COBLL1: variants seen among roughly 807,000 people sequenced by gnomAD.
COBLL1 encodes cordon-bleu WH2 repeat protein like 1, also known as cordon-bleu protein-like 1.
In COBLL1, 50 loss-of-function variants were observed where a neutral mutation model predicts 94.8. That is an observed-to-expected ratio of 0.53 (90% CI 0.42 to 0.67). The LOEUF (loss-of-function observed/expected upper bound fraction) is 0.67, where lower values mean the gene tolerates loss of function less well. Ranked by LOEUF, COBLL1 falls within the 30% of genes least tolerant of loss-of-function variation. COBLL1 has a pLI of 0.00. For synonymous variants in COBLL1, 448 were observed against 473.8 expected (o/e 0.95, Z 0.71); for missense variants, 1,362 against 1,348.7 (o/e 1.01, Z -0.15).
At chr2:164,668,478 C>T (rs1691199695) in intron 1 of COBLL1, among the ~76,000 whole-genome samples, 2 of 152,186 alleles carry the variant, frequency 1.3e-5, no homozygotes, top group African/African-American at 2.4e-5. Flanking sequence ...AGTCAGAACA[C>T]ATACAACATT....
intron 5 of COBLL1, among the ~76,000 whole-genome samples, chr2:164,725,926 T>G (rs1685704694): frequency 6.6e-6 from 1 of 152,174 alleles, no homozygotes; most frequent in South Asian, 2.1e-4. Context: ...TATAATTGCA[T>G]GGTAAGTTCT....
At chr2:164,673,392 A>C (rs763750907) in intron 1 of COBLL1, among the ~76,000 whole-genome samples, 31 of 152,066 alleles carry the variant, frequency 2.0e-4, no homozygotes, top group Non-Finnish European at 2.2e-4. Flanking sequence ...CGCGGTGGCT[A>C]GGCCAGGCGC....
chr2:164,709,909 G>C (rs1448211887), intron 7 of COBLL1, among the ~76,000 whole-genome samples: 1 of 152,066 alleles, frequency 6.6e-6, no homozygotes, highest in Non-Finnish European at 1.5e-5. Context: ...GCAAAGGCAA[G>C]AGTTTTGAAG....
chr2:164,725,293 A>G (rs1310919779), intron 5 of COBLL1, among the ~76,000 whole-genome samples: 1 of 152,058 alleles, frequency 6.6e-6, no homozygotes, highest in African/African-American at 2.4e-5. Flanking sequence ...TACATTTGCC[A>G]CTATTTCAAT....
intron 2 of COBLL1, among the ~76,000 whole-genome samples, chr2:164,803,015 T>C (rs539810517): frequency 1.3e-5 from 2 of 152,314 alleles, no homozygotes; most frequent in South Asian, 4.1e-4. Context: ...TTGCAATATA[T>C]AGATTTTTAA....
In COBLL1 at chr2:164,729,509, A is replaced by C. The variant is rs554605751; in HGVS notation, c.432+405T>G. On this transcript the variant is annotated intron_variant, in intron 4 of 13. Coordinates refer to ENST00000652658, the MANE Select transcript of COBLL1 (RefSeq NM_001365672.2). Reference sequence around the variant, plus strand: ...ACACAATGAAGAACTCGAAAAAAAAACAAAAACACACATACAAATAGATGT... The same window carrying C: ...ACACAATGAAGAACTCGAAAAAAAACCAAAAACACACATACAAATAGATGT... Among the ~76,000 whole-genome samples the C allele has an allele frequency of 5.9e-5, 9 of 152,152 alleles. No homozygotes were observed. In the East Asian group the frequency reaches 9.7e-4, roughly 16 times the overall value.
intron 3 of COBLL1, among the ~76,000 whole-genome samples, chr2:164,732,788 G>C (rs981738748): frequency 5.3e-5 from 8 of 152,190 alleles, no homozygotes; most frequent in Non-Finnish European, 7.3e-5. Context: ...GGGTGCGGTG[G>C]CTCACGCCTG....
At chr2:164,822,774 T>G (rs1685238948) in intron 2 of COBLL1, among the ~76,000 whole-genome samples, 1 of 124,600 alleles carries the variant, frequency 8.0e-6, no homozygotes, top group African/African-American at 3.3e-5. Context: ...TTATTATTAT[T>G]ATTATTATTT....
intron 1 of COBLL1, among the ~76,000 whole-genome samples, chr2:164,672,609 G>A (rs912991274): frequency 2.7e-5 from 4 of 149,138 alleles, no homozygotes; most frequent in Admixed American, 6.8e-5. Context: ...TGAGGCAGGA[G>A]AATGGCGTGA....
intron 7 of COBLL1, among the ~76,000 whole-genome samples, chr2:164,716,858 A>T (rs1685193872): frequency 6.6e-6 from 1 of 152,212 alleles, no homozygotes; most frequent in Non-Finnish European, 1.5e-5. Flanking sequence ...AAATTATTAA[A>T]TATAGACAGC....
At chr2:164,760,311 T>C (rs1256147778) in intron 2 of COBLL1, among the ~76,000 whole-genome samples, 1 of 152,198 alleles carries the variant, frequency 6.6e-6, no homozygotes, top group Non-Finnish European at 1.5e-5. Flanking sequence ...ACATACTGTA[T>C]GGTTCTGCTT....
intron 2 of COBLL1, among the ~76,000 whole-genome samples, chr2:164,796,799 C>T (rs1683484371): frequency 6.7e-6 from 1 of 149,524 alleles, no homozygotes; most frequent in South Asian, 2.1e-4. Flanking sequence ...CATATTAAGA[C>T]TCTCATCTCT....
At chr2:164,763,005 C>G (rs1270469782) in intron 2 of COBLL1, among the ~76,000 whole-genome samples, 1 of 152,006 alleles carries the variant, frequency 6.6e-6, no homozygotes, top group East Asian at 1.9e-4. Flanking sequence ...CGCCTATCAT[C>G]CTTTTTTAAA....
At chr2:164,737,497 GT>G (rs1345066405) in intron 3 of COBLL1, among the ~76,000 whole-genome samples, 2 of 152,046 alleles carry the variant, frequency 1.3e-5, no homozygotes, top group African/African-American at 4.8e-5. Context: ...GCCAACTTTT[GT>G]TTTAGGCAAT....
chr2:164,731,741 A>G (rs1005381733), intron 3 of COBLL1, among the ~76,000 whole-genome samples: 24 of 152,216 alleles, frequency 1.6e-4, no homozygotes, highest in Non-Finnish European at 2.9e-5. Flanking sequence ...CAATTTCTTG[A>G]CTAGAGATAT....
chr2:164,672,812 T>C (rs973657932), intron 1 of COBLL1, among the ~76,000 whole-genome samples: 1 of 152,068 alleles, frequency 6.6e-6, no homozygotes, highest in Non-Finnish European at 1.5e-5. Flanking sequence ...GACAGGGATA[T>C]TTCAGAACAC....
chr2:164,798,600 A>G (rs1683594023), intron 2 of COBLL1, among the ~76,000 whole-genome samples: 1 of 152,244 alleles, frequency 6.6e-6, no homozygotes, highest in South Asian at 2.1e-4. Flanking sequence ...GGACAAGGGA[A>G]GAATGCTGCA....
intron 2 of COBLL1, among the ~76,000 whole-genome samples, chr2:164,664,004 A>G (rs1318561645): frequency 6.6e-6 from 1 of 152,228 alleles, no homozygotes; most frequent in Non-Finnish European, 1.5e-5. Flanking sequence ...ACTAAAATGT[A>G]TAATCTTATA....
At chr2:164,835,377 CATT>C (rs1683271965) in intron 2 of COBLL1, among the ~76,000 whole-genome samples, 1 of 152,102 alleles carries the variant, frequency 6.6e-6, no homozygotes, top group Non-Finnish European at 1.5e-5. Context: ...ACATGTATGA[CATT>C]ATGTGAAATA....
Sources: gnomAD v4.1 joint callset for allele counts (sites outside exome capture counted in the v4.1 genomes callset) on GRCh38, gnomAD v4.1.1 for gene constraint, MANE v1.5 for transcripts, NCBI Gene and HGNC (gene_info 2026-07-23, HGNC 2026-07-21) for gene names.